Variants in KLF16 observed in about 807,000 individuals in gnomAD.
The protein encoded by KLF16 is Krueppel-like factor 16.
In KLF16, 6 loss-of-function variants were observed where a neutral mutation model predicts 6.1. That is an observed-to-expected ratio of 0.98 (90% CI 0.54 to 1.93). KLF16 has a LOEUF of 1.93. Among genes scored for constraint, KLF16 ranks in the 30% most tolerant of loss-of-function variants. KLF16 has a pLI of 0.01. For synonymous variants in KLF16, 211 were observed against 176.5 expected (o/e 1.20, Z -1.55); for missense variants, 355 against 363.8 (o/e 0.98, Z 0.20).
chr19:1,869,655 G>A, the KLF16 span, among the ~76,000 whole-genome samples: 2 of 152,166 alleles, frequency 1.3e-5, no homozygotes, highest in African/African-American at 4.8e-5. Flanking sequence ...TGCCCAGGCT[G>A]GAGTGCAGTG....
At chr19:1,862,828 C>T (rs982502672) in intron 1 of KLF16, 86 of 331,582 alleles carry the variant, frequency 2.6e-4, no homozygotes, top group Non-Finnish European at 4.2e-4. Flanking sequence ...CCACTGCCGC[C>T]GGGGCGGCCA....
rs1219727630 is a variant in KLF16, at chr19:1,857,079, C to T, written c.458-2319G>A. Among the ~76,000 whole-genome samples the T allele has an allele frequency of 1.3e-5, 2 of 151,952 alleles. No homozygotes were observed. Among genetic ancestry groups the T allele is most frequent in the Non-Finnish European group, 2.9e-5 (2 of 67,976 alleles). On this transcript the variant is annotated intron_variant, in intron 1 of 1. Transcript: ENST00000250916. This position sits in a 1 kb window ranked among gnomAD's most constrained non-coding sequence, Gnocchi z 4.7. ...CCCGCTCACGTGGTCCCACTCCCGC[C>T]GGGGCCAGGGGGCCCGGGCCAGGGT...
chr19:1,865,933 G>A (rs559686279), upstream of KLF16, among the ~76,000 whole-genome samples: 3 of 152,306 alleles, frequency 2.0e-5, no homozygotes, highest in Non-Finnish European at 4.4e-5. Flanking sequence ...AGAGACCAGG[G>A]TAGGAGGATC....
chr19:1,876,442 G>A, the KLF16 span, among the ~76,000 whole-genome samples: 1 of 152,168 alleles, frequency 6.6e-6, no homozygotes, highest in Admixed American at 6.5e-5. Flanking sequence ...AACTCTTCTC[G>A]TGATCCCAGC....
upstream of KLF16, among the ~76,000 whole-genome samples, chr19:1,868,461 CTTTT>C (rs762308559): frequency 1.5e-4 from 17 of 110,072 alleles, no homozygotes; most frequent in African/African-American, 5.6e-4. Context: ...CAGATTAGGG[CTTTT>C]TTTTTTTTTT....
rs747691058 is a variant in KLF16 at position 1,854,669 on chromosome 19, G to C, written c.549C>G (p.Gly183=). 8 of 1,600,318 alleles carry C rather than the reference G, an allele frequency of 5.0e-6. No individual in the cohort carries two copies. Among genetic ancestry groups the C allele is most frequent in the Non-Finnish European group, 6.8e-6 (8 of 1,179,558 alleles). ...ACAGAGGGCAGGAGAAGCGCTTCTC[G>C]CCCGTGTGCGTCCGGTGGTGGCGGG... ...ELARHHRTHT[G]EKRFSCPLCS... is the part of the protein sequence containing the mutation. Residue 183 remains glycine, a synonymous_variant, in exon 2 of 2, where the codon GGC becomes GGG. Transcript: ENST00000250916.
chr19:1,870,947 G>A, the KLF16 span, among the ~76,000 whole-genome samples: 1 of 152,220 alleles, frequency 6.6e-6, no homozygotes, highest in Non-Finnish European at 1.5e-5. Flanking sequence ...TGTAAGCCAA[G>A]ATTGCGCCAC....
At chr19:1,865,597 C>T (rs896337208), upstream of KLF16, among the ~76,000 whole-genome samples, 1 of 152,220 alleles carries the variant, frequency 6.6e-6, no homozygotes, top group African/African-American at 2.4e-5. Flanking sequence ...TGGCCCCAGG[C>T]AGGACCTTCA....
At chr19:1,873,645 CG>C in the KLF16 span, among the ~76,000 whole-genome samples, 5 of 151,854 alleles carry the variant, frequency 3.3e-5, no homozygotes, top group Non-Finnish European at 7.3e-5. Context: ...AAATGGAGAA[CG>C]GGAAGTTGGC....
chr19:1,869,407 G>A, the KLF16 span, among the ~76,000 whole-genome samples: 1 of 152,266 alleles, frequency 6.6e-6, no homozygotes, highest in Non-Finnish European at 1.5e-5. Flanking sequence ...TTGATCCCAG[G>A]AGGCGGAGGT....
chr19:1,854,883 GGT>G lies in KLF16; in HGVS notation c.458-125_458-124del, dbSNP rs1460437229. On this transcript the variant is annotated intron_variant, in intron 1 of 1. Transcript: ENST00000250916. Reference sequence around the variant, plus strand: ...CGTGCCGTTTTAGAGGCTGAGCTCTGGTGTGAGTTCAAAACATGGAGAAGCAC... The same window carrying G: ...CGTGCCGTTTTAGAGGCTGAGCTCTGGTGAGTTCAAAACATGGAGAAGCAC... 5.8e-6 allele frequency: 6 copies of G among 1,032,844 alleles called. No homozygotes were observed. The East Asian group carries it at 1.6e-4, about 28-fold the overall frequency. 64.0% of individuals were successfully genotyped at this position (1,032,844 alleles called of 1,614,324 possible).
In KLF16 at chr19:1,863,339, G is replaced by A. The variant is rs2012112768; in HGVS notation, c.159C>T (p.Pro53=). 1 of 980,968 alleles carries A rather than the reference G, an allele frequency of 1.0e-6. No homozygotes were observed. The highest frequency in any genetic ancestry group is 1.8e-5 in the African/African-American group (1 of 56,312). The allele number at this position is 980,968 out of a possible 1,614,324, so 60.8% of individuals were successfully genotyped here. The change falls in exon 1 of 2, where the codon CCC becomes CCT. Residue 53 remains proline (P), a synonymous_variant. Coordinates refer to ENST00000250916, the MANE Select transcript of KLF16 (RefSeq NM_031918.4). Reference sequence around the variant, plus strand: ...GCGGCGGGGGTGGCCCCGGGGTCCCGGGTGAGGCGGCCTCGCGGCGCGCCG... The same window carrying A: ...GCGGCGGGGGTGGCCCCGGGGTCCCAGGTGAGGCGGCCTCGCGGCGCGCCG... The part of the protein sequence containing the change: ...VRAARREAAS[P]GTPGPPPPPP...
At chr19:1,862,299 T>C (rs2012081862) in intron 1 of KLF16, among the ~76,000 whole-genome samples, 1 of 152,054 alleles carries the variant, frequency 6.6e-6, no homozygotes, top group Non-Finnish European at 1.5e-5. Context: ...AGGAGGGGCG[T>C]TGGTGTAGCC....
the KLF16 span, among the ~76,000 whole-genome samples, chr19:1,873,273 C>T: frequency 5.3e-5 from 8 of 152,188 alleles, no homozygotes; most frequent in Non-Finnish European, 1.0e-4. Flanking sequence ...GAATGCCAGT[C>T]GGGGCTGACA....
the KLF16 span, among the ~76,000 whole-genome samples, chr19:1,873,254 G>A: frequency 6.6e-6 from 1 of 152,202 alleles, no homozygotes; most frequent in East Asian, 1.9e-4. Context: ...ACACATGCTG[G>A]GACCCCACGA....
upstream of KLF16, among the ~76,000 whole-genome samples, chr19:1,867,296 G>A (rs1396512559): frequency 6.6e-6 from 1 of 152,210 alleles, no homozygotes; most frequent in Non-Finnish European, 1.5e-5. Flanking sequence ...AGGGCCGGGT[G>A]CAGTGACTCA....
intron 1 of KLF16, among the ~76,000 whole-genome samples, chr19:1,855,993 C>T (rs956663175): frequency 6.6e-6 from 1 of 152,226 alleles, no homozygotes; most frequent in African/African-American, 2.4e-5. Flanking sequence ...TGAGTGGCCC[C>T]AAAGCCTATT....
chr19:1,859,989 GGTAA>G (rs1054032289), intron 1 of KLF16, among the ~76,000 whole-genome samples: 1 of 152,134 alleles, frequency 6.6e-6, no homozygotes, highest in Admixed American at 6.5e-5. Flanking sequence ...CAAATGTCTC[GGTAA>G]GTGCGGAGGA....
chr19:1,869,431 G>T, the KLF16 span, among the ~76,000 whole-genome samples: 1 of 152,096 alleles, frequency 6.6e-6, no homozygotes, highest in African/African-American at 2.4e-5. Flanking sequence ...AGTGAACCAA[G>T]ATCACACCAC....
Sources: gnomAD v4.1 joint callset for allele counts (sites outside exome capture counted in the v4.1 genomes callset) on GRCh38, gnomAD v4.1.1 for gene constraint, Gnocchi (gnomAD v3.1) non-coding constraint, MANE v1.5 for transcripts, NCBI Gene and HGNC (gene_info 2026-07-23, HGNC 2026-07-21) for gene names.